GRM8: variants seen among roughly 807,000 people sequenced by gnomAD.
The protein encoded by GRM8 is metabotropic glutamate receptor 8.
GRM8 carries 47 observed loss-of-function variants against 87.2 expected under a neutral mutation model. The observed-to-expected ratio is 0.54, with a 90% CI of 0.43 to 0.69. The LOEUF (loss-of-function observed/expected upper bound fraction) is 0.69. GRM8 is among the 30% of genes least tolerant of loss of function. GRM8 has a pLI of 0.00. For missense variants in GRM8, 1,019 were observed against 1,139.2 expected, an observed-to-expected ratio of 0.89 and a Z score of 1.52; for synonymous variants, 396 against 404.5, an observed-to-expected ratio of 0.98 and a Z score of 0.25.
intron 3 of GRM8, among the ~76,000 whole-genome samples, chr7:126,987,355 A>C (rs184220682): frequency 6.6e-6 from 1 of 152,124 alleles, no homozygotes; most frequent in African/African-American, 2.4e-5. Context: ...GCATCCACCA[A>C]ACTCTGTTTT....
At chr7:126,525,276 T>C (rs912933591) in intron 9 of GRM8, among the ~76,000 whole-genome samples, 4 of 152,232 alleles carry the variant, frequency 2.6e-5, no homozygotes, top group Non-Finnish European at 5.9e-5. Context: ...GAGAAACTTA[T>C]ATTCTTATCC....
intron 3 of GRM8, among the ~76,000 whole-genome samples, chr7:127,073,995 T>C (rs903354190): frequency 1.3e-5 from 2 of 152,208 alleles, no homozygotes; most frequent in Non-Finnish European, 2.9e-5. Flanking sequence ...TCATTTAACT[T>C]GTGTTTTCAG....
At chr7:126,752,186 C>T (rs564521333) in intron 7 of GRM8, among the ~76,000 whole-genome samples, 55 of 152,194 alleles carry the variant, frequency 3.6e-4, no homozygotes, top group African/African-American at 1.3e-3. Context: ...TTCTCAGTTA[C>T]TCAGAAGGCT....
At chr7:127,232,245 C>T (rs1254181150) in intron 2 of GRM8, among the ~76,000 whole-genome samples, 1 of 146,038 alleles carries the variant, frequency 6.8e-6, no homozygotes, top group Non-Finnish European at 1.5e-5. Flanking sequence ...GAGAGACAGA[C>T]AGACAGACAG....
intron 7 of GRM8, among the ~76,000 whole-genome samples, chr7:126,724,425 C>G (rs1394562702): frequency 6.6e-6 from 1 of 152,078 alleles, no homozygotes; most frequent in Non-Finnish European, 1.5e-5. Flanking sequence ...AGAGGATGGC[C>G]AAGTCACTGT....
At chr7:127,132,332 T>C (rs1326848937) in intron 2 of GRM8, among the ~76,000 whole-genome samples, 2 of 152,248 alleles carry the variant, frequency 1.3e-5, no homozygotes, top group Non-Finnish European at 2.9e-5. Flanking sequence ...GCTTAGGCTA[T>C]AATGAGAAAG....
chr7:126,649,648 A>G (rs1188496303), intron 7 of GRM8, among the ~76,000 whole-genome samples: 1 of 152,176 alleles, frequency 6.6e-6, no homozygotes, highest in African/African-American at 2.4e-5. Flanking sequence ...GGTGAAGGAT[A>G]AGTTGCTGCA....
chr7:126,450,142 G>A (rs1802456436), intron 9 of GRM8, among the ~76,000 whole-genome samples: 1 of 151,812 alleles, frequency 6.6e-6, no homozygotes, highest in South Asian at 2.1e-4. Context: ...AGGCCATGAT[G>A]TGGTATCATT....
chr7:127,231,105 G>A (rs193043606), intron 2 of GRM8, among the ~76,000 whole-genome samples: 2 of 152,156 alleles, frequency 1.3e-5, no homozygotes, highest in African/African-American at 2.4e-5. Flanking sequence ...TCGAACATGC[G>A]GCATATACCT....
At chr7:126,916,384 A>G (rs1803904882) in intron 3 of GRM8, among the ~76,000 whole-genome samples, 1 of 152,228 alleles carries the variant, frequency 6.6e-6, no homozygotes. Flanking sequence ...ATATAGTGAA[A>G]TTATCTAATA....
chr7:127,064,214 T>C (rs1300866681), intron 3 of GRM8, among the ~76,000 whole-genome samples: 15 of 152,170 alleles, frequency 9.9e-5, no homozygotes, highest in African/African-American at 3.6e-4. Flanking sequence ...TCTAATACTG[T>C]CAGTAAAATG....
chr7:127,086,609 T>C (rs1171501129), intron 3 of GRM8, among the ~76,000 whole-genome samples: 3 of 152,186 alleles, frequency 2.0e-5, no homozygotes. Context: ...ATGTCCCTGG[T>C]TGGAACCAGT....
chr7:126,928,030 T>G (rs1182499586), intron 3 of GRM8, among the ~76,000 whole-genome samples: 1 of 152,144 alleles, frequency 6.6e-6, no homozygotes, highest in Admixed American at 6.5e-5. Flanking sequence ...TGGAATATTA[T>G]GCAGCCTTAA....
chr7:126,493,816 A>G (rs551097216), intron 9 of GRM8, among the ~76,000 whole-genome samples: 7 of 152,124 alleles, frequency 4.6e-5, no homozygotes, highest in African/African-American at 1.7e-4. Flanking sequence ...AGACATCTAT[A>G]TGGTTCCCTC....
intron 7 of GRM8, among the ~76,000 whole-genome samples, chr7:126,632,296 G>T (rs879115780): frequency 6.6e-6 from 1 of 152,128 alleles, no homozygotes; most frequent in Non-Finnish European, 1.5e-5. Flanking sequence ...CAACATCACT[G>T]ATCATTAGAG....
At chr7:127,153,821 A>G (rs181752329) in intron 2 of GRM8, among the ~76,000 whole-genome samples, 3 of 152,288 alleles carry the variant, frequency 2.0e-5, no homozygotes, top group Non-Finnish European at 1.5e-5. Context: ...TAAATGGTAA[A>G]TAAATACTGG....
intron 6 of GRM8, among the ~76,000 whole-genome samples, chr7:126,887,235 C>A (rs542189944): frequency 2.0e-5 from 3 of 152,166 alleles, no homozygotes; most frequent in South Asian, 2.1e-4. Context: ...TCCATAAAGA[C>A]AAATTGAATA....
At chr7:126,864,385 G>T (rs1798416916) in intron 6 of GRM8, among the ~76,000 whole-genome samples, 1 of 151,730 alleles carries the variant, frequency 6.6e-6, no homozygotes, top group African/African-American at 2.4e-5. Flanking sequence ...ATCCTCGACA[G>T]CTCTATTTCC....
intron 6 of GRM8, among the ~76,000 whole-genome samples, chr7:126,815,575 T>A (rs141554378): frequency 0.012 from 1,767 of 152,228 alleles, 17 homozygotes; most frequent in Non-Finnish European, 0.016. Context: ...TAGTAATACT[T>A]CTTGCTGTAC....
Sources: gnomAD v4.1 joint callset for allele counts (sites outside exome capture counted in the v4.1 genomes callset) on GRCh38, gnomAD v4.1.1 for gene constraint, MANE v1.5 for transcripts, NCBI Gene and HGNC (gene_info 2026-07-23, HGNC 2026-07-21) for gene names.